IL1RAPL1: variants seen among roughly 807,000 people sequenced by gnomAD.
IL1RAPL1 encodes interleukin 1 receptor accessory protein like 1, also known as interleukin-1 receptor accessory protein-like 1.
A neutral mutation model predicts 48.4 loss-of-function variants in IL1RAPL1; 3 were observed. The ratio of observed to expected loss-of-function variants is 0.06; its 90% CI spans 0.03 to 0.16. The LOEUF (loss-of-function observed/expected upper bound fraction) is 0.16. IL1RAPL1 is among the 10% of genes least tolerant of loss of function. The probability of loss-of-function intolerance (pLI) is 1.00; values close to 1 mark genes in which losing one functional copy is unlikely to be tolerated. For synonymous variants in IL1RAPL1, 185 were observed against 187.7 expected (o/e 0.99, Z 0.12); for missense variants, 349 against 530.6 (o/e 0.66, Z 3.36).
At chrX:28,661,309 A>G (rs1269848566) in intron 1 of IL1RAPL1, among the ~76,000 whole-genome samples, 3 of 112,124 alleles carry the variant, frequency 2.7e-5, no homozygotes, top group African/African-American at 9.7e-5. Flanking sequence ...TTAAAAAGAA[A>G]ATAGAAAACT....
chrX:28,669,522 G>C (rs1382195639), intron 1 of IL1RAPL1, among the ~76,000 whole-genome samples: 1 of 108,435 alleles, frequency 9.2e-6, no homozygotes, highest in African/African-American at 3.4e-5. Context: ...AGGAAGCTGA[G>C]GCAGGAGAAT....
At chrX:29,418,268 G>A (rs959942459) in intron 5 of IL1RAPL1, among the ~76,000 whole-genome samples, 8 of 104,266 alleles carry the variant, frequency 7.7e-5, no homozygotes, top group African/African-American at 2.8e-4. Flanking sequence ...TGGGATTACA[G>A]GCCCACGCCA....
At position 29,476,981 on chromosome X, in the gene IL1RAPL1, C is replaced by T. The variant is rs755264806; in HGVS notation, c.703+77673C>T. Among the ~76,000 whole-genome samples the T allele has an allele frequency of 6.9e-5, 7 of 101,161 alleles. No individual in the cohort carries two copies. The East Asian group carries it at 9.3e-4, about 13-fold the overall frequency. The allele number at this position is 101,161 out of a possible 115,157, so 87.8% of individuals were successfully genotyped here. A position where few individuals can be genotyped will look rare whatever the true frequency, so the allele number is the denominator to read the frequency against. The stretch of plus-strand genomic sequence containing the variant: ...CTGCAAGCTCCGCTTCCCGGGTTCA[C>T]GCCATTCTCCTGCCTCAGCCTCCCG... On this transcript the variant is annotated intron_variant, in intron 5 of 10. Coordinates refer to ENST00000378993, the MANE Select transcript of IL1RAPL1 (RefSeq NM_014271.4).
intron 1 of IL1RAPL1, chrX:28,659,403 T>C (rs1293357784): frequency 5.2e-5 from 28 of 537,845 alleles, no homozygotes; most frequent in Non-Finnish European, 1.4e-5. Flanking sequence ...GCGGCTTTTG[T>C]AGCCAGTTGC....
chrX:28,882,073 A>G (rs1922514665), intron 2 of IL1RAPL1, among the ~76,000 whole-genome samples: 1 of 110,942 alleles, frequency 9.0e-6, no homozygotes, highest in Non-Finnish European at 1.9e-5. Context: ...AGATCCACAC[A>G]GAGACACACT....
At chrX:28,970,081 A>G (rs978125987) in intron 2 of IL1RAPL1, among the ~76,000 whole-genome samples, 6 of 110,740 alleles carry the variant, frequency 5.4e-5, no homozygotes, top group Non-Finnish European at 7.6e-5. Context: ...GCTCACTGCA[A>G]CCTCCACCTC....
chrX:29,852,854 T>A (rs1421318255), intron 6 of IL1RAPL1, among the ~76,000 whole-genome samples: 1 of 111,546 alleles, frequency 9.0e-6, no homozygotes, highest in Non-Finnish European at 1.9e-5. Context: ...CTTTATGAAG[T>A]TTACAGTCAG....
intron 6 of IL1RAPL1, among the ~76,000 whole-genome samples, chrX:29,681,731 A>G (rs1011882805): frequency 1.8e-5 from 2 of 112,143 alleles, no homozygotes; most frequent in African/African-American, 6.5e-5. Context: ...TTTAAAGCCT[A>G]CTTTCATGAA....
intron 4 of IL1RAPL1, among the ~76,000 whole-genome samples, chrX:29,397,760 T>C (rs192470844): frequency 9.0e-6 from 1 of 111,110 alleles, no homozygotes; most frequent in African/African-American, 3.3e-5. Context: ...AAATAAACCC[T>C]TTTTTTTCTT....
At chrX:29,167,611 T>C (rs2147510404) in intron 2 of IL1RAPL1, among the ~76,000 whole-genome samples, 1 of 110,834 alleles carries the variant, frequency 9.0e-6, no homozygotes, top group South Asian at 3.7e-4. Context: ...AAAAGCTTTA[T>C]ATTAAAGACA....
intron 3 of IL1RAPL1, among the ~76,000 whole-genome samples, chrX:29,310,135 G>A (rs1020928980): frequency 0.023 from 897 of 39,335 alleles, no homozygotes; most frequent in Non-Finnish European, 0.031. Flanking sequence ...AAAAAGAAAG[G>A]AAAAAAAAAA....
At chrX:29,175,836 ACT>A (rs1331667919) in intron 2 of IL1RAPL1, among the ~76,000 whole-genome samples, 1 of 65,908 alleles carries the variant, frequency 1.5e-5, no homozygotes, top group African/African-American at 5.9e-5. Flanking sequence ...ACAGAGTGAG[ACT>A]CTGTCTCAAA....
intron 1 of IL1RAPL1, among the ~76,000 whole-genome samples, chrX:28,598,627 GTT>G (rs56397783): frequency 2.9e-3 from 254 of 87,111 alleles, no homozygotes; most frequent in African/African-American, 8.6e-3. Flanking sequence ...AAATTTGTAG[GTT>G]TTTTTTTTTT....
intron 6 of IL1RAPL1, among the ~76,000 whole-genome samples, chrX:29,909,838 C>T (rs1932729291): frequency 8.9e-6 from 1 of 111,954 alleles, no homozygotes; most frequent in Non-Finnish European, 1.9e-5. Flanking sequence ...AGTTCAGCCA[C>T]TGTGGAAAGC....
intron 5 of IL1RAPL1, among the ~76,000 whole-genome samples, chrX:29,415,543 C>A (rs1445158412): frequency 9.0e-6 from 1 of 110,787 alleles, no homozygotes; most frequent in Non-Finnish European, 1.9e-5. Flanking sequence ...CCTCAGCCTC[C>A]CAAGTAGCTG....
rs1251704717 is a variant in IL1RAPL1 at position 29,954,710 on chromosome X, T to C, written c.1372+18T>C. The C allele has an allele frequency of 2.7e-6, 3 of 1,126,969 alleles. No homozygotes were observed. The Admixed American group carries it at 6.6e-5, about 25-fold the overall frequency. 92.9% of individuals were successfully genotyped at this position (1,126,969 alleles called of 1,213,427 possible). On this transcript the variant is annotated intron_variant, in intron 10 of 10. Coordinates refer to ENST00000378993, the MANE Select transcript of IL1RAPL1 (RefSeq NM_014271.4). ...AACTGGAAGTAAGTTAATGTTTTCA[T>C]TTGAGAGTGTGCATATTCATGTGAG... is the stretch of plus-strand genomic sequence containing the variant.
At chrX:29,408,699 G>A (rs1602221177) in intron 5 of IL1RAPL1, among the ~76,000 whole-genome samples, 2 of 111,403 alleles carry the variant, frequency 1.8e-5, no homozygotes, top group Admixed American at 9.6e-5. Context: ...CTTCCCAATC[G>A]ACCACAGACT....
At chrX:29,065,631 G>C (rs771187635) in intron 2 of IL1RAPL1, among the ~76,000 whole-genome samples, 14 of 111,524 alleles carry the variant, frequency 1.3e-4, no homozygotes, top group Non-Finnish European at 2.4e-4. Context: ...CTGTCCTTCT[G>C]TTCTGATATG....
rs182260916 is a variant in IL1RAPL1 at position 29,164,736 on chromosome X, G to A, written c.83-118202G>A. On this transcript the variant is annotated intron_variant, in intron 2 of 10. Transcript: ENST00000378993. ...CATTTTTTCACTCACAGACTTTTTCGTCATCCTTTTAAGCCTCCCATTTTT... is the reference window on the plus strand; with the variant it reads ...CATTTTTTCACTCACAGACTTTTTCATCATCCTTTTAAGCCTCCCATTTTT... Among the ~76,000 whole-genome samples, 6 of 111,414 alleles carry A rather than the reference G, an allele frequency of 5.4e-5. No individual in the cohort carries two copies. In the East Asian group the frequency reaches 1.1e-3, roughly 21 times the overall value.
Sources: allele counts gnomAD v4.1 joint callset (sites outside exome capture counted in the v4.1 genomes callset), GRCh38; gene constraint gnomAD v4.1.1; transcripts MANE v1.5; gene names NCBI Gene and HGNC (gene_info 2026-07-23, HGNC 2026-07-21).